The following ANK1 variants were observed in gnomAD, a reference collection of about 807,000 sequenced individuals.
ANK1 encodes ankyrin-1.
A neutral mutation model predicts 210.4 loss-of-function variants in ANK1; 51 were observed. That is an observed-to-expected ratio of 0.24 (90% CI 0.19 to 0.31). ANK1 has a LOEUF of 0.31. ANK1 is among the 10% of genes least tolerant of loss of function. The pLI, the probability that ANK1 is intolerant of heterozygous loss-of-function variation, is 1.00. For synonymous variants in ANK1, 967 were observed against 1,025.9 expected, an observed-to-expected ratio of 0.94 and a Z score of 1.10; for missense variants, 2,051 against 2,504.4, an observed-to-expected ratio of 0.82 and a Z score of 3.86.
Position 41,723,585 on chromosome 8 carries a change from T to C in ANK1, c.760A>G (p.Met254Val), listed in dbSNP as rs748895534. The change falls in exon 8 of 43, where the codon ATG becomes GTG. Residue 254 changes from methionine (M) to valine (V), a missense_variant. This residue lies in a region of ANK1 where 1,413 missense variants were observed against 1,707.4 expected (regional missense o/e 0.83). Coordinates refer to ENST00000289734, the MANE Select transcript of ANK1 (RefSeq NM_000037.4). ...HIASRRGNVIMVRLLLDRGAQ... is the reference protein window; with the variant it reads ...HIASRRGNVIVVRLLLDRGAQ... ...CCCCGATCCAGCAGCAGCCGCACCA[T>C]GATCACGTTGCCCCTGCGGGAGGCG... is the stretch of plus-strand genomic sequence containing the variant. 30 of 1,613,820 alleles carry C rather than the reference T, an allele frequency of 1.9e-5. No individual in the cohort carries two copies. The highest frequency in any genetic ancestry group is 5.3e-5 in the African/African-American group (4 of 74,908).
rs114098362 is a variant in ANK1 at position 41,663,435 on chromosome 8, C to T, written c.5478+224G>A. Among the ~76,000 whole-genome samples the T allele has an allele frequency of 6.3e-3, 966 of 152,256 alleles. 14 individuals carry two copies. Among genetic ancestry groups the T allele is most frequent in the African/African-American group, 0.022 (925 of 41,540 alleles). The stretch of plus-strand genomic sequence containing the variant: ...CTGGAAAAGAGCAGCAGAAGCTATT[C>T]AGGTTGACTCAGACAAAGCGGTTGT... On this transcript the variant is annotated intron_variant, in intron 40 of 42. Coordinates refer to ENST00000289734, the MANE Select transcript of ANK1 (RefSeq NM_000037.4).
chr8:41,767,044 C>T (rs1354410384), intron 1 of ANK1, among the ~76,000 whole-genome samples: 1 of 152,158 alleles, frequency 6.6e-6, no homozygotes, highest in Non-Finnish European at 1.5e-5. Context: ...TCCACGCTCC[C>T]GCCCGTGCCC....
chr8:41,799,407 C>T (rs1203996798), upstream of ANK1, among the ~76,000 whole-genome samples: 2 of 152,134 alleles, frequency 1.3e-5, no homozygotes, highest in African/African-American at 4.8e-5. Flanking sequence ...TCAGTAATGG[C>T]TTCTGGAACG....
chr8:41,711,844 C>A (rs10089810), intron 16 of ANK1, among the ~76,000 whole-genome samples: 165 of 152,258 alleles, frequency 1.1e-3, no homozygotes, highest in African/African-American at 3.9e-3. Context: ...ATGGTTATCA[C>A]GTTGGCTCAG....
intron 10 of ANK1, among the ~76,000 whole-genome samples, chr8:41,719,364 C>T (rs1828622638): frequency 6.6e-6 from 1 of 152,252 alleles, no homozygotes. Context: ...CCCAAGCCCG[C>T]ATACCTACCA....
intron 2 of ANK1, among the ~76,000 whole-genome samples, chr8:41,756,222 T>A (rs987703191): frequency 3.3e-5 from 5 of 152,102 alleles, no homozygotes. Flanking sequence ...CTCGGCTCAC[T>A]GCAACCTCCG....
At chr8:41,701,909 A>G in intron 21 of ANK1, 143 bp downstream of exon 21, 2 of 874,454 alleles carry the variant, frequency 2.3e-6, no homozygotes, top group Non-Finnish European at 3.7e-6. Flanking sequence ...TGGAAGGAGG[A>G]CAAGCTCCCA....
chr8:41,779,994 C>G (rs1039429594), intron 1 of ANK1, among the ~76,000 whole-genome samples: 33 of 152,292 alleles, frequency 2.2e-4, no homozygotes, highest in Non-Finnish European at 1.0e-4. Flanking sequence ...GGTTCTCCAC[C>G]GACAGCTTTT....
chr8:41,738,350 C>T (rs181651241), intron 2 of ANK1, among the ~76,000 whole-genome samples: 14 of 152,284 alleles, frequency 9.2e-5, no homozygotes, highest in East Asian at 5.8e-4. Flanking sequence ...GGTCTTAGTA[C>T]GTAGATGGCT....
chr8:41,733,833 G>A (rs911037742), intron 3 of ANK1, 138 bp downstream of exon 3: 49 of 757,806 alleles, frequency 6.5e-5, no homozygotes, highest in Non-Finnish European at 1.0e-4. Context: ...CAGGGATTCA[G>A]AGAACTAAAA....
chr8:41,847,895 G>A (rs976438243), intron 1 of ANK1, among the ~76,000 whole-genome samples: 9 of 152,122 alleles, frequency 5.9e-5, no homozygotes, highest in Admixed American at 2.0e-4. Flanking sequence ...TGGGCCAGGC[G>A]CAGTGGCTCA....
At chr8:41,893,033 C>T (rs901001041) in intron 1 of ANK1, among the ~76,000 whole-genome samples, 5 of 152,142 alleles carry the variant, frequency 3.3e-5, no homozygotes, top group African/African-American at 9.7e-5. Context: ...AAGGCGTCAG[C>T]GCTCCTCTCC....
intron 3 of ANK1, 100 bp from the exon 4 acceptor site, chr8:41,728,106 G>T (rs2150663471): frequency 1.7e-6 from 2 of 1,185,622 alleles, no homozygotes; most frequent in South Asian, 1.2e-5. Context: ...GGACCCGGGG[G>T]CTTTCTTCAT....
At chr8:41,693,311 TTGTC>T in intron 29 of ANK1, 110 bp from the exon 30 acceptor site, 1 of 1,001,638 alleles carries the variant, frequency 1.0e-6, no homozygotes, top group Non-Finnish European at 1.6e-6. Flanking sequence ...GAAGCTCACT[TTGTC>T]TGCAGCCCTG....
In ANK1 at chr8:41,715,548, A is replaced by G. The variant is rs1363941722; in HGVS notation, c.1602+104T>C. The G allele has an allele frequency of 4.2e-6, 6 of 1,420,082 alleles. No individual in the cohort carries two copies. In the African/African-American group the frequency reaches 7.1e-5, roughly 17 times the overall value. The allele number at this position is 1,420,082 out of a possible 1,614,324, so 88.0% of individuals were successfully genotyped here. The stretch of plus-strand genomic sequence containing the variant: ...GACGACCCTTCCAGCTGCTTGCAGC[A>G]TCATTGAGGTGACAAAGAGAACCAG... On this transcript the variant is annotated intron_variant, in intron 14 of 42. Transcript: ENST00000289734.
intron 24 of ANK1, among the ~76,000 whole-genome samples, chr8:41,697,143 C>T (rs1233949010): frequency 6.6e-6 from 1 of 152,162 alleles, no homozygotes; most frequent in Non-Finnish European, 1.5e-5. Context: ...CCAACTTCCT[C>T]TAGGGTGGGC....
chr8:41,688,128 G>A (rs779125327), intron 35 of ANK1, 28 bp downstream of exon 35: 1 of 1,609,438 alleles, frequency 6.2e-7, no homozygotes, highest in Admixed American at 1.7e-5. Context: ...TGGACAAAGT[G>A]CTTTTCTGCC....
chr8:41,690,419 C>T (rs1818953527), intron 32 of ANK1, 55 bp downstream of exon 32: 1 of 1,614,226 alleles, frequency 6.2e-7, no homozygotes, highest in African/African-American at 1.3e-5. Context: ...TTAGGGAATT[C>T]TGCCTCCCCA....
intron 1 of ANK1, among the ~76,000 whole-genome samples, chr8:41,856,826 C>T (rs1812248760): frequency 6.6e-6 from 1 of 151,172 alleles, no homozygotes; most frequent in South Asian, 2.1e-4. Context: ...AAGGAACACT[C>T]AACCTTATCA....
Sources: gnomAD v4.1 joint callset for allele counts (sites outside exome capture counted in the v4.1 genomes callset) on GRCh38, gnomAD v4.1.1 for gene constraint, gnomAD v4.1.1 regional missense constraint, MANE v1.5 for transcripts, NCBI Gene and HGNC (gene_info 2026-07-23, HGNC 2026-07-21) for gene names.